PDIA5: variants seen among roughly 807,000 people sequenced by gnomAD.
The protein encoded by PDIA5 is protein disulfide isomerase family A member 5.
Under a neutral mutation model 77.6 loss-of-function variants are expected in PDIA5, and 58 were observed. That is an observed-to-expected ratio of 0.75 (90% CI 0.61 to 0.93). The LOEUF (loss-of-function observed/expected upper bound fraction) is 0.93, where lower values mean the gene tolerates loss of function less well. PDIA5 is among the 40% of genes least tolerant of loss of function. PDIA5 has a pLI of 0.00. For missense variants in PDIA5, 630 were observed against 647.7 expected (o/e 0.97, Z 0.30); for synonymous variants, 250 against 252.1 (o/e 0.99, Z 0.08).
At chr3:123,084,708 C>T (rs768821447) in intron 1 of PDIA5, among the ~76,000 whole-genome samples, 21 of 152,196 alleles carry the variant, frequency 1.4e-4, no homozygotes, top group Non-Finnish European at 2.5e-4. Flanking sequence ...TCTCCCAGCC[C>T]GGAATTCTAA....
At chr3:123,136,004 C>T (rs946493478) in intron 11 of PDIA5, among the ~76,000 whole-genome samples, 4 of 151,754 alleles carry the variant, frequency 2.6e-5, no homozygotes, top group African/African-American at 9.7e-5. Flanking sequence ...CTATGTTGCT[C>T]AGGCTGGCCT....
At chr3:123,126,060 C>T (rs1282161323) in intron 10 of PDIA5, among the ~76,000 whole-genome samples, 1 of 152,214 alleles carries the variant, frequency 6.6e-6, no homozygotes, top group African/African-American at 2.4e-5. Context: ...TTTCTGATTT[C>T]AAAACACCCT....
At chr3:123,116,982 G>C (rs1052489705) in intron 8 of PDIA5, among the ~76,000 whole-genome samples, 2 of 151,816 alleles carry the variant, frequency 1.3e-5, no homozygotes, top group Admixed American at 6.6e-5. Flanking sequence ...AGCTGGGATG[G>C]GGCGGGGAGG....
chr3:123,155,139 C>T, intron 15 of PDIA5, 98 bp downstream of exon 15: 2 of 836,878 alleles, frequency 2.4e-6, no homozygotes, highest in Non-Finnish European at 4.1e-6. Flanking sequence ...GGCAGGTCTG[C>T]TAAGACCTGT....
chr3:123,123,147 C>T (rs1935158989), intron 8 of PDIA5, among the ~76,000 whole-genome samples: 1 of 152,192 alleles, frequency 6.6e-6, no homozygotes. Flanking sequence ...CATACTGCCA[C>T]ATGTCTGTGG....
At chr3:123,151,450 G>A (rs1935890487) in intron 14 of PDIA5, among the ~76,000 whole-genome samples, 1 of 152,234 alleles carries the variant, frequency 6.6e-6, no homozygotes, top group African/African-American at 2.4e-5. Context: ...TATGTCACAG[G>A]CACAGTCCAG....
In PDIA5 at chr3:123,096,068, C is replaced by T. The variant is rs142427098; in HGVS notation, c.257+3626C>T. ...TTTTTGTGCCCCTCCCTCCCCATTC[C>T]CCATTTTGGAAGGGTGCCTATCCTT... On this transcript the variant is annotated intron_variant, in intron 3 of 16. Coordinates refer to ENST00000316218, the MANE Select transcript of PDIA5 (RefSeq NM_006810.4). Among the ~76,000 whole-genome samples the T allele has an allele frequency of 5.3e-3, 804 of 152,188 alleles. 3 individuals carry two copies. The highest frequency in any genetic ancestry group is 0.013 in the African/African-American group (534 of 41,524).
intron 1 of PDIA5, among the ~76,000 whole-genome samples, chr3:123,076,853 TAGGGACTTA>T (rs1489743046): frequency 6.6e-6 from 1 of 152,216 alleles, no homozygotes; most frequent in Non-Finnish European, 1.5e-5. Context: ...TTAAAAGCTT[TAGGGACTTA>T]AGTCCTGGCT....
chr3:123,125,003 T>C (rs2107960023), intron 10 of PDIA5, among the ~76,000 whole-genome samples: 1 of 152,298 alleles, frequency 6.6e-6, no homozygotes, highest in Non-Finnish European at 1.5e-5. Flanking sequence ...CACCACCCTG[T>C]TGGCTCCTGC....
chr3:123,078,712 C>T (rs536673427), intron 1 of PDIA5, among the ~76,000 whole-genome samples: 15 of 152,200 alleles, frequency 9.9e-5, no homozygotes, highest in Admixed American at 3.3e-4. Context: ...ACCAGAATCA[C>T]ACACTGCATT....
At chr3:123,150,786 C>T (rs568938378) in intron 14 of PDIA5, among the ~76,000 whole-genome samples, 4 of 152,052 alleles carry the variant, frequency 2.6e-5, no homozygotes, top group East Asian at 3.9e-4. Context: ...GCTCTGGAGC[C>T]GTGGCATAGG....
chr3:123,156,422 G>T (rs1320019791), intron 15 of PDIA5, among the ~76,000 whole-genome samples: 2 of 152,206 alleles, frequency 1.3e-5, no homozygotes, highest in Non-Finnish European at 2.9e-5. Flanking sequence ...CACTGAGTGG[G>T]GTATGGCAGC....
chr3:123,080,337 G>C (rs187484411), intron 1 of PDIA5, among the ~76,000 whole-genome samples: 1 of 152,074 alleles, frequency 6.6e-6, no homozygotes, highest in Non-Finnish European at 1.5e-5. Flanking sequence ...GGCTGGAGAC[G>C]GTATGTGAGG....
chr3:123,122,905 G>A (rs1052018157), intron 8 of PDIA5, among the ~76,000 whole-genome samples: 8 of 151,826 alleles, frequency 5.3e-5, no homozygotes, highest in Admixed American at 1.3e-4. Context: ...CTTTTCCCTC[G>A]CTTCTATGCC....
chr3:123,124,245 C>A (rs774690262), intron 9 of PDIA5, 27 bp from the exon 10 acceptor site: 7 of 1,591,226 alleles, frequency 4.4e-6, no homozygotes, highest in Non-Finnish European at 6.0e-6. Context: ...CGTGACTGAG[C>A]CCACGTTGTT....
In PDIA5 at chr3:123,124,117, G is replaced by A; in HGVS notation, c.661G>A (p.Glu221Lys). Residue 221 changes from glutamate (E) to lysine (K), a missense_variant, in exon 9 of 17, where the codon GAG becomes AAG. By Grantham distance (56) the Glu-to-Lys change is moderately conservative. Coordinates refer to ENST00000316218, the MANE Select transcript of PDIA5 (RefSeq NM_006810.4). ...CTCTGAATTTGAAAACATCAAGGAG[G>A]AGTACAGCGTGCGCGGCTTCCCCAC... ...YSSEFENIKEEYSVRGFPTIC... is the reference protein window; with the variant it reads ...YSSEFENIKEKYSVRGFPTIC... 1 of 1,614,134 alleles carries A rather than the reference G, an allele frequency of 6.2e-7. No homozygotes were observed. The highest frequency in any genetic ancestry group is 1.1e-5 in the South Asian group (1 of 91,090).
At chr3:123,151,781 TGGCC>T (rs1560561635) in intron 14 of PDIA5, among the ~76,000 whole-genome samples, 4 of 76,936 alleles carry the variant, frequency 5.2e-5, no homozygotes, top group African/African-American at 1.1e-4. Context: ...CCTGCCTGCC[TGGCC>T]TGCCTTCCTG....
At chr3:123,087,312 C>A (rs541593918) in intron 1 of PDIA5, among the ~76,000 whole-genome samples, 2 of 152,136 alleles carry the variant, frequency 1.3e-5, no homozygotes, top group African/African-American at 4.8e-5. Context: ...TTGTGCCAGG[C>A]TTCAAATTAA....
At chr3:123,146,849 C>T (rs946485953) in intron 13 of PDIA5, among the ~76,000 whole-genome samples, 3 of 152,172 alleles carry the variant, frequency 2.0e-5, no homozygotes, top group Admixed American at 2.0e-4. Flanking sequence ...GACAGTCTCA[C>T]TTAGTCACCC....
Sources: allele counts gnomAD v4.1 joint callset (sites outside exome capture counted in the v4.1 genomes callset), GRCh38; gene constraint gnomAD v4.1.1; transcripts MANE v1.5; gene names NCBI Gene and HGNC (gene_info 2026-07-23, HGNC 2026-07-21).